SCAPER: variants seen among roughly 807,000 people sequenced by gnomAD.
SCAPER encodes the protein S-phase cyclin A associated protein in the ER.
Under a neutral mutation model 182.2 loss-of-function variants are expected in SCAPER, and 98 were observed. The ratio of observed to expected loss-of-function variants is 0.54; its 90% CI spans 0.46 to 0.64. The LOEUF (loss-of-function observed/expected upper bound fraction) is 0.64. SCAPER is among the 30% of genes least tolerant of loss of function. The probability of loss-of-function intolerance (pLI) is 0.00; values close to 1 mark genes in which losing one functional copy is unlikely to be tolerated. For synonymous variants in SCAPER, 605 were observed against 564.6 expected, an observed-to-expected ratio of 1.07 and a Z score of -1.01; for missense variants, 1,432 against 1,690.0, an observed-to-expected ratio of 0.85 and a Z score of 2.68.
intron 5 of SCAPER, among the ~76,000 whole-genome samples, chr15:76,808,077 G>A (rs1408731064): frequency 1.3e-5 from 2 of 152,062 alleles, no homozygotes. Context: ...GAATAAAGAG[G>A]TGATTTTCAA....
intron 4 of SCAPER, among the ~76,000 whole-genome samples, chr15:76,848,277 G>A (rs2070326384): frequency 6.6e-6 from 1 of 151,438 alleles, no homozygotes; most frequent in Admixed American, 6.6e-5. Context: ...TGGGATTACA[G>A]GCGTGAGCCA....
chr15:76,742,109 T>C (rs1357214025), intron 15 of SCAPER, among the ~76,000 whole-genome samples: 1 of 152,080 alleles, frequency 6.6e-6, no homozygotes, highest in East Asian at 1.9e-4. Flanking sequence ...AAAAGATGCC[T>C]GATGGTGTTC....
chr15:76,503,661 A>C (rs894540997), intron 24 of SCAPER, among the ~76,000 whole-genome samples: 4 of 152,222 alleles, frequency 2.6e-5, no homozygotes, highest in African/African-American at 4.8e-5. Flanking sequence ...GGTGAATATG[A>C]TTACATTTAT....
intron 23 of SCAPER, among the ~76,000 whole-genome samples, chr15:76,525,967 G>A (rs1218624313): frequency 6.6e-6 from 1 of 152,108 alleles, no homozygotes; most frequent in African/African-American, 2.4e-5. Flanking sequence ...ACTAATTTAC[G>A]TTCCCACCAA....
chr15:76,650,337 C>CA (rs1262868020), intron 21 of SCAPER, among the ~76,000 whole-genome samples: 3 of 150,974 alleles, frequency 2.0e-5, no homozygotes, highest in Non-Finnish European at 4.4e-5. Context: ...AGATACTATG[C>CA]AAAAAACAAA....
chr15:76,721,574 C>G (rs2060245111), intron 17 of SCAPER, among the ~76,000 whole-genome samples: 1 of 152,030 alleles, frequency 6.6e-6, no homozygotes, highest in African/African-American at 2.4e-5. Flanking sequence ...AATGTTCTTC[C>G]ATTTGTTTGT....
At chr15:76,381,659 G>A in intron 27 of SCAPER, 44 bp from the exon 28 acceptor site, 1 of 1,437,870 alleles carries the variant, frequency 7.0e-7, no homozygotes, top group Non-Finnish European at 9.5e-7. Context: ...CTACTTAATG[G>A]ATGTTAGCAA....
intron 29 of SCAPER, among the ~76,000 whole-genome samples, chr15:76,373,828 T>C (rs1431561665): frequency 2.0e-5 from 3 of 152,096 alleles, no homozygotes; most frequent in African/African-American, 4.8e-5. Flanking sequence ...ATCTAGGAAA[T>C]ACAGAGCAGG....
intron 23 of SCAPER, among the ~76,000 whole-genome samples, chr15:76,535,184 A>G (rs1006028979): frequency 2.0e-5 from 3 of 152,042 alleles, no homozygotes; most frequent in African/African-American, 7.2e-5. Flanking sequence ...CCATGACACA[A>G]TTTCATGCCC....
chr15:76,736,713 G>T, intron 15 of SCAPER: 1 of 154,852 alleles, frequency 6.5e-6, no homozygotes. Context: ...TGATCTGGCT[G>T]GCTAAGCGGG....
chr15:76,597,660 A>G (rs1192768353), intron 22 of SCAPER, among the ~76,000 whole-genome samples: 2 of 120,544 alleles, frequency 1.7e-5, no homozygotes, highest in African/African-American at 5.1e-5. Flanking sequence ...ATCTACAACC[A>G]TCTGATCTTT....
chr15:76,626,653 G>T (rs1809875), intron 21 of SCAPER, among the ~76,000 whole-genome samples: 40,141 of 152,108 alleles, frequency 0.26, 6,179 homozygotes, highest in East Asian at 0.55. Context: ...GGAGGCGGAG[G>T]TTGCAATAAG....
chr15:76,743,551 T>C (rs1315645506), intron 15 of SCAPER, among the ~76,000 whole-genome samples: 1 of 151,558 alleles, frequency 6.6e-6, no homozygotes, highest in Admixed American at 6.6e-5. Flanking sequence ...CCATACAAAA[T>C]AGCCAAAGAA....
intron 26 of SCAPER, among the ~76,000 whole-genome samples, chr15:76,423,198 C>T (rs1296942246): frequency 2.6e-5 from 4 of 152,210 alleles, no homozygotes; most frequent in Non-Finnish European, 4.4e-5. Flanking sequence ...AGGAATGGTA[C>T]CTGCTCTCCT....
At chr15:76,504,758 G>A in intron 24 of SCAPER, 101 bp downstream of exon 24, 1 of 937,558 alleles carries the variant, frequency 1.1e-6, no homozygotes, top group South Asian at 1.8e-5. Context: ...ATTCAACCCT[G>A]AATACACATA....
intron 17 of SCAPER, among the ~76,000 whole-genome samples, chr15:76,726,156 A>AT (rs56986282): frequency 0.19 from 15,393 of 79,532 alleles, 2,530 homozygotes; most frequent in East Asian, 0.33. Context: ...TATATATATA[A>AT]AAAACTCTAT....
intron 20 of SCAPER, among the ~76,000 whole-genome samples, chr15:76,694,614 A>G (rs1161405778): frequency 6.6e-6 from 1 of 152,154 alleles, no homozygotes; most frequent in Non-Finnish European, 1.5e-5. Flanking sequence ...TTCCCAAAAA[A>G]CACATACCAG....
intron 17 of SCAPER, among the ~76,000 whole-genome samples, chr15:76,717,418 C>G (rs868626172): frequency 6.6e-6 from 1 of 152,000 alleles, no homozygotes; most frequent in Admixed American, 6.6e-5. Flanking sequence ...GTAAACCACA[C>G]GTATCTCTAT....
intron 23 of SCAPER, among the ~76,000 whole-genome samples, chr15:76,568,926 G>A (rs1222908140): frequency 6.6e-6 from 1 of 151,728 alleles, no homozygotes; most frequent in African/African-American, 2.4e-5. Flanking sequence ...ACTGCCCATT[G>A]TCTAGTACCC....
Sources: allele counts gnomAD v4.1 joint callset (sites outside exome capture counted in the v4.1 genomes callset), GRCh38; gene constraint gnomAD v4.1.1; transcripts MANE v1.5; gene names NCBI Gene and HGNC (gene_info 2026-07-23, HGNC 2026-07-21).